Variants in AOPEP observed in about 807,000 individuals in gnomAD.
AOPEP encodes aminopeptidase O (putative).
In AOPEP, 77 loss-of-function variants were observed where a neutral mutation model predicts 98.1. The ratio of observed to expected loss-of-function variants is 0.78; its 90% CI spans 0.65 to 0.95. The LOEUF is 0.95. AOPEP is among the 40% of genes least tolerant of loss of function. The pLI, the probability that AOPEP is intolerant of heterozygous loss-of-function variation, is 0.00. For missense variants in AOPEP, 1,024 were observed against 1,024.7 expected, an observed-to-expected ratio of 1.00 and a Z score of 0.01; for synonymous variants, 346 against 365.3, an observed-to-expected ratio of 0.95 and a Z score of 0.60.
intron 13 of AOPEP, among the ~76,000 whole-genome samples, chr9:95,011,810 TCAAAAA>T (rs1338835544): frequency 6.6e-5 from 10 of 151,534 alleles, no homozygotes; most frequent in Admixed American, 4.6e-4. Flanking sequence ...AGACCCAAAC[TCAAAAA>T]CAAAAACAAA....
chr9:94,842,809 A>G (rs886645422), intron 5 of AOPEP, among the ~76,000 whole-genome samples: 1 of 152,218 alleles, frequency 6.6e-6, no homozygotes, highest in Admixed American at 6.5e-5. Flanking sequence ...AAAATAAAAA[A>G]TAAAAACATT....
At chr9:94,929,936 G>A (rs2055018911) in intron 7 of AOPEP, among the ~76,000 whole-genome samples, 2 of 152,324 alleles carry the variant, frequency 1.3e-5, no homozygotes, top group South Asian at 4.1e-4. Flanking sequence ...AGAAAGAAGG[G>A]CAGTGTGGCT....
intron 14 of AOPEP, among the ~76,000 whole-genome samples, chr9:95,063,786 C>T (rs2133961487): frequency 1.3e-5 from 2 of 152,192 alleles, no homozygotes; most frequent in Middle Eastern, 3.4e-3. Flanking sequence ...GTGACTGTGT[C>T]TTCTCCGGGG....
At chr9:94,963,488 A>T (rs2058989630) in intron 9 of AOPEP, among the ~76,000 whole-genome samples, 1 of 152,236 alleles carries the variant, frequency 6.6e-6, no homozygotes, top group Admixed American at 6.5e-5. Context: ...TGAAAAAAAA[A>T]TTCTAAAGGA....
the AOPEP span, among the ~76,000 whole-genome samples, chr9:95,092,714 CTCACTGCCAAGAG>C: frequency 6.6e-6 from 1 of 152,324 alleles, no homozygotes; most frequent in African/African-American, 2.4e-5. Context: ...CAGACCCTGA[CTCACTGCCAAGAG>C]TCCTGAGTTC....
chr9:94,839,089 T>A lies in AOPEP; in HGVS notation c.1364+38087T>A, dbSNP rs1332570777. On this transcript the variant is annotated intron_variant, in intron 5 of 16. Transcript: ENST00000375315. ...CCACACCCACCTAATTTTTGTATTC[T>A]TTTTTTTTTTTTTTGAGAGGGAGTC... Among the ~76,000 whole-genome samples, 9 of 388 alleles carry A rather than the reference T, an allele frequency of 0.023. No individual in the cohort carries two copies. In the East Asian group the frequency reaches 0.25, roughly 11 times the overall value. The allele number at this position is 388 out of a possible 152,430, so 0.3% of individuals were successfully genotyped here.
In AOPEP at chr9:94,760,368, T is replaced by A. The variant is rs887880734; in HGVS notation, c.585T>A (p.Pro195=). The part of the protein sequence containing the change: ...NQIVRELVTL[P]ANRWREQLDY... ...TTGTACGTGAACTTGTGACTTTGCC[T>A]GCAAATCGTTGGAGGGAGCAGTTAG... Residue 195 remains proline, a synonymous_variant, in exon 2 of 17, where the codon CCT becomes CCA. Coordinates refer to ENST00000375315, the MANE Select transcript of AOPEP (RefSeq NM_001193329.3). 2.5e-6 allele frequency: 4 copies of A among 1,614,062 alleles called. No homozygotes were observed. In the African/African-American group the frequency reaches 4.0e-5, roughly 16 times the overall value.
At chr9:94,959,917 A>G (rs112573659) in intron 9 of AOPEP, among the ~76,000 whole-genome samples, 42 of 152,328 alleles carry the variant, frequency 2.8e-4, no homozygotes, top group African/African-American at 9.1e-4. Flanking sequence ...ATTTTCTTTT[A>G]CTTGAATTTA....
rs1005006758 is a variant in AOPEP at position 94,933,545 on chromosome 9, C to G, written c.1661+5014C>G. ...ACTTTGATACAATGCTAGATAAATG[C>G]GAGCATCTTTCCCTAACCTTCCTCC... is the stretch of plus-strand genomic sequence containing the variant. On this transcript the variant is annotated intron_variant, in intron 7 of 16. Coordinates refer to ENST00000375315, the MANE Select transcript of AOPEP (RefSeq NM_001193329.3). 8 of 985,172 alleles carry G rather than the reference C, an allele frequency of 8.1e-6. No homozygotes were observed. In the African/African-American group the frequency reaches 1.2e-4, roughly 15 times the overall value. The allele number at this position is 985,172 out of a possible 1,614,324, so 61.0% of individuals were successfully genotyped here.
chr9:95,016,871 G>A (rs2063045017), intron 13 of AOPEP, among the ~76,000 whole-genome samples: 1 of 151,690 alleles, frequency 6.6e-6, no homozygotes, highest in African/African-American at 2.4e-5. Context: ...AAAGTGCTAG[G>A]ATTACAGGCA....
At chr9:95,145,504 G>A in the AOPEP span, 3 of 152,254 alleles carry the variant, frequency 2.0e-5, no homozygotes, top group Admixed American at 6.5e-5. Flanking sequence ...ACAACACTGG[G>A]TGTCTTCCCT....
rs780068425 is a variant in AOPEP at position 94,773,133 on chromosome 9, G to A, written c.929G>A (p.Gly310Glu). Residue 310 changes from glycine (G) to glutamate (E), a missense_variant, in exon 3 of 17, where the codon GGG becomes GAG. Physicochemically the swap from Gly to Glu is moderately conservative, Grantham distance 98. Coordinates refer to ENST00000375315, the MANE Select transcript of AOPEP (RefSeq NM_001193329.3). ...GCATCTTTTGTTGTTTTAATGAGTG[G>A]GGAAAATTCTGCCAAACCAACGCAG... The part of the protein sequence containing the change: ...AAASFVVLMS[G>E]ENSAKPTQLW... The A allele has an allele frequency of 6.2e-7, 1 of 1,613,968 alleles. No individual in the cohort carries two copies.
intron 5 of AOPEP, among the ~76,000 whole-genome samples, chr9:94,829,385 CATT>C (rs1855430830): frequency 6.6e-6 from 1 of 152,180 alleles, no homozygotes. Flanking sequence ...GAAGTGAAGC[CATT>C]GTCTAACCAC....
chr9:94,866,152 C>T (rs1401559449), intron 5 of AOPEP, among the ~76,000 whole-genome samples: 2 of 152,188 alleles, frequency 1.3e-5, no homozygotes, highest in African/African-American at 2.4e-5. Context: ...CCAGGAGGGC[C>T]GAGCACACAA....
chr9:94,964,635 CTTTTTT>C lies in AOPEP; in HGVS notation c.1873-3106_1873-3101del, dbSNP rs1240777817. On this transcript the variant is annotated intron_variant, in intron 9 of 16. Transcript: ENST00000375315. ...AAAGTTATCATTACAAGTACTTGGA[CTTTTTT>C]TTTTTTTTTTTTTTTTGAGACGGAG... Among the ~76,000 whole-genome samples, 606 of 122,622 alleles carry C rather than the reference CTTTTTT, an allele frequency of 4.9e-3. 16 individuals carry two copies. Among genetic ancestry groups the C allele is most frequent in the Admixed American group, 0.045 (538 of 12,046 alleles). The allele number at this position is 122,622 out of a possible 152,430, so 80.4% of individuals were successfully genotyped here.
intron 11 of AOPEP, among the ~76,000 whole-genome samples, chr9:94,989,385 G>A (rs186876348): frequency 5.3e-5 from 8 of 151,002 alleles, no homozygotes; most frequent in South Asian, 4.2e-4. Context: ...TACAGGTGTG[G>A]GCCACCGCGC....
At chr9:94,894,328 G>A (rs1038152137) in intron 5 of AOPEP, among the ~76,000 whole-genome samples, 1 of 152,044 alleles carries the variant, frequency 6.6e-6, no homozygotes, top group Admixed American at 6.6e-5. Flanking sequence ...TGCATTAAGA[G>A]GGGAAAGAGA....
intron 7 of AOPEP, chr9:94,933,619 A>G (rs966500032): frequency 2.1e-5 from 21 of 985,274 alleles, no homozygotes; most frequent in Non-Finnish European, 2.3e-5. Context: ...TAATAGGGGG[A>G]AAACCCCAAG....
intron 11 of AOPEP, among the ~76,000 whole-genome samples, chr9:94,988,475 C>T (rs1464740082): frequency 6.6e-6 from 1 of 152,144 alleles, no homozygotes; most frequent in Non-Finnish European, 1.5e-5. Context: ...TGAACTGGCT[C>T]AGATGCAAAC....
Sources: allele counts gnomAD v4.1 joint callset (sites outside exome capture counted in the v4.1 genomes callset), GRCh38; gene constraint gnomAD v4.1.1; transcripts MANE v1.5; gene names NCBI Gene and HGNC (gene_info 2026-07-23, HGNC 2026-07-21).